Variants in AGPAT5 observed in about 807,000 individuals in gnomAD.
AGPAT5 encodes the protein 1-acyl-sn-glycerol-3-phosphate acyltransferase epsilon.
In AGPAT5, 46 loss-of-function variants were observed where a neutral mutation model predicts 45.6. The ratio of observed to expected loss-of-function variants is 1.01; its 90% CI spans 0.80 to 1.29. The LOEUF (loss-of-function observed/expected upper bound fraction) is 1.29, where lower values mean the gene tolerates loss of function less well. Ranked by LOEUF, AGPAT5 falls within the 50% of genes most tolerant of loss-of-function variation. AGPAT5 has a pLI of 0.00. For synonymous variants in AGPAT5, 272 were observed against 167.0 expected (o/e 1.63, Z -4.85); for missense variants, 673 against 450.7 (o/e 1.49, Z -4.47).
At chr8:6,716,957 C>T (rs1480489829) in intron 1 of AGPAT5, among the ~76,000 whole-genome samples, 3 of 152,138 alleles carry the variant, frequency 2.0e-5, no homozygotes, top group African/African-American at 7.2e-5. Flanking sequence ...TTTTGAATGG[C>T]ATAACTAGTT....
intron 2 of AGPAT5, among the ~76,000 whole-genome samples, chr8:6,728,392 C>CA (rs1384048475): frequency 6.6e-6 from 1 of 152,212 alleles, no homozygotes; most frequent in African/African-American, 2.4e-5. Flanking sequence ...AAAGAGAATT[C>CA]AGTAGCAAAT....
At chr8:6,748,714 A>G (rs1801559496) in intron 6 of AGPAT5, among the ~76,000 whole-genome samples, 1 of 152,198 alleles carries the variant, frequency 6.6e-6, no homozygotes, top group African/African-American at 2.4e-5. Context: ...CTTGTTGGCC[A>G]GGCTGGTCTC....
intron 3 of AGPAT5, 37 bp from the exon 4 acceptor site, chr8:6,732,524 A>T: frequency 1.3e-6 from 2 of 1,543,046 alleles, no homozygotes; most frequent in Non-Finnish European, 1.7e-6. Context: ...TGTTATTTTA[A>T]AAGTAAATGC....
At chr8:6,731,440 C>T (rs1397593710) in intron 3 of AGPAT5, among the ~76,000 whole-genome samples, 1 of 152,108 alleles carries the variant, frequency 6.6e-6, no homozygotes, top group Admixed American at 6.5e-5. Context: ...TAAATCATCT[C>T]TAGATTACTT....
chr8:6,750,838 T>C (rs1169631492), intron 6 of AGPAT5, among the ~76,000 whole-genome samples: 4 of 152,142 alleles, frequency 2.6e-5, no homozygotes, highest in Admixed American at 6.5e-5. Flanking sequence ...AGGAATGCAA[T>C]GTAGTACAAA....
At chr8:6,745,209 A>C (rs377433094) in intron 5 of AGPAT5, 2 of 154,210 alleles carry the variant, frequency 1.3e-5, no homozygotes, top group African/African-American at 4.8e-5. Flanking sequence ...TTTGGAGAAA[A>C]ATTTTCTTCT....
At chr8:6,749,715 A>C (rs192327908) in intron 6 of AGPAT5, among the ~76,000 whole-genome samples, 1 of 152,344 alleles carries the variant, frequency 6.6e-6, no homozygotes, top group East Asian at 1.9e-4. Context: ...CAGACAGTTC[A>C]TCAAGATTGT....
chr8:6,732,509 C>T, intron 3 of AGPAT5, 52 bp from the exon 4 acceptor site: 2 of 1,483,582 alleles, frequency 1.3e-6, no homozygotes, highest in Non-Finnish European at 9.1e-7. Flanking sequence ...ATGACTCTGG[C>T]CAATTGTTAT....
At chr8:6,714,435 C>G (rs1194984928) in intron 1 of AGPAT5, among the ~76,000 whole-genome samples, 4 of 152,096 alleles carry the variant, frequency 2.6e-5, no homozygotes, top group South Asian at 2.1e-4. Context: ...TAGGAAAATA[C>G]TAAAAAAATG....
chr8:6,746,404 G>C (rs1168142739), intron 5 of AGPAT5, among the ~76,000 whole-genome samples: 1 of 152,140 alleles, frequency 6.6e-6, no homozygotes, highest in Non-Finnish European at 1.5e-5. Flanking sequence ...AAAAATACTA[G>C]CTTTCTGTCT....
rs1490330941 is a variant in AGPAT5, at chr8:6,760,812, T to C, written c.*3424T>C. Among the ~76,000 whole-genome samples the C allele has an allele frequency of 6.6e-6, 1 of 152,200 alleles. No homozygotes were observed. Among genetic ancestry groups the C allele is most frequent in the Non-Finnish European group, 1.5e-5 (1 of 68,034 alleles). Reference sequence around the variant, plus strand: ...TATATAGAGACTATGTAACATGCAATCATTAGAATCAAAATTAGTACTTTG... The same window carrying C: ...TATATAGAGACTATGTAACATGCAACCATTAGAATCAAAATTAGTACTTTG... On this transcript the variant is annotated 3_prime_UTR_variant, in exon 8 of 8. Coordinates refer to ENST00000285518, the MANE Select transcript of AGPAT5 (RefSeq NM_018361.5).
chr8:6,746,119 C>T (rs1801451332), intron 5 of AGPAT5: 1 of 152,156 alleles, frequency 6.6e-6, no homozygotes, highest in Non-Finnish European at 1.5e-5. Context: ...CACTCCCCAA[C>T]TTCCAGGCTA....
At chr8:6,749,412 G>C (rs1286166814) in intron 6 of AGPAT5, among the ~76,000 whole-genome samples, 2 of 152,146 alleles carry the variant, frequency 1.3e-5, no homozygotes, top group Admixed American at 1.3e-4. Context: ...AGAAAACTAA[G>C]GTGTTTTTCA....
chr8:6,716,210 G>C (rs928885111), intron 1 of AGPAT5, among the ~76,000 whole-genome samples: 2 of 152,138 alleles, frequency 1.3e-5, no homozygotes, highest in African/African-American at 4.8e-5. Flanking sequence ...GTAACCTCTT[G>C]GAGATGGCAA....
rs1048429528 is a variant in AGPAT5, at chr8:6,760,774, G to T, written c.*3386G>T. 6.6e-6 allele frequency among the ~76,000 whole-genome samples: 1 copy of T among 151,968 alleles called. No homozygotes were observed. Among genetic ancestry groups the T allele is most frequent in the Non-Finnish European group, 1.5e-5 (1 of 68,018 alleles). ...GAACTTGAAATTACGTTATCACTTA[G>T]TATAATTGACATTATATAGAGACTA... On this transcript the variant is annotated 3_prime_UTR_variant, in exon 8 of 8. Transcript: ENST00000285518.
At chr8:6,727,032 TTGTC>T (rs1800711470) in intron 2 of AGPAT5, among the ~76,000 whole-genome samples, 1 of 152,224 alleles carries the variant, frequency 6.6e-6, no homozygotes, top group Non-Finnish European at 1.5e-5. Context: ...ACGTGGTTCA[TTGTC>T]TGATTGTGTT....
At chr8:6,727,137 T>G (rs759623180) in intron 2 of AGPAT5, among the ~76,000 whole-genome samples, 7 of 152,194 alleles carry the variant, frequency 4.6e-5, no homozygotes, top group Admixed American at 6.5e-5. Flanking sequence ...TTTCAAAGAC[T>G]GTTGTTCTGC....
chr8:6,729,300 C>G (rs989613100), intron 2 of AGPAT5, among the ~76,000 whole-genome samples: 6 of 150,366 alleles, frequency 4.0e-5, no homozygotes, highest in African/African-American at 7.4e-5. Flanking sequence ...TTGGCTAAAA[C>G]TTTATTGTAA....
At chr8:6,751,426 C>G (rs147830995) in intron 6 of AGPAT5, among the ~76,000 whole-genome samples, 2 of 152,356 alleles carry the variant, frequency 1.3e-5, no homozygotes, top group East Asian at 1.9e-4. Flanking sequence ...CTCTGCTCCA[C>G]TCCACGTTGC....
Sources: gnomAD v4.1 joint callset for allele counts (sites outside exome capture counted in the v4.1 genomes callset) on GRCh38, gnomAD v4.1.1 for gene constraint, MANE v1.5 for transcripts, NCBI Gene and HGNC (gene_info 2026-07-23, HGNC 2026-07-21) for gene names.